The following MDGA2 variants were observed in gnomAD, a reference collection of about 807,000 sequenced individuals.
The protein encoded by MDGA2 is MAM domain containing glycosylphosphatidylinositol anchor 2.
A neutral mutation model predicts 117.8 loss-of-function variants in MDGA2; 40 were observed. That is an observed-to-expected ratio of 0.34 (90% confidence interval 0.26 to 0.44). MDGA2 has a LOEUF of 0.44. Among genes scored for constraint, MDGA2 ranks in the 20% least tolerant of loss-of-function variants. The pLI, the probability that MDGA2 is intolerant of heterozygous loss-of-function variation, is 1.00. For synonymous variants in MDGA2, 452 were observed against 439.0 expected (o/e 1.03, Z -0.37); for missense variants, 1,123 against 1,250.6 (o/e 0.90, Z 1.54).
chr14:47,183,962 G>C (rs1884809497), intron 3 of MDGA2, among the ~76,000 whole-genome samples: 1 of 151,812 alleles, frequency 6.6e-6, no homozygotes, highest in Non-Finnish European at 1.5e-5. Context: ...TCAATTCCAG[G>C]AATATGTCTT....
At chr14:47,382,917 T>C (rs1326574495) in intron 1 of MDGA2, among the ~76,000 whole-genome samples, 1 of 152,192 alleles carries the variant, frequency 6.6e-6, no homozygotes, top group Non-Finnish European at 1.5e-5. Flanking sequence ...ATGTTTATTG[T>C]GGCACTATTC....
At chr14:46,992,670 G>C (rs1054016761) in intron 8 of MDGA2, among the ~76,000 whole-genome samples, 5 of 152,092 alleles carry the variant, frequency 3.3e-5, no homozygotes, top group South Asian at 4.1e-4. Context: ...ATAGTAATTT[G>C]ATAGAGACCG....
At chr14:47,527,772 T>C (rs1424776327) in intron 1 of MDGA2, among the ~76,000 whole-genome samples, 1 of 152,106 alleles carries the variant, frequency 6.6e-6, no homozygotes, top group Non-Finnish European at 1.5e-5. Flanking sequence ...AGCACAGCAG[T>C]GGTGGCAATG....
chr14:47,056,131 T>C (rs1015815515), intron 7 of MDGA2, among the ~76,000 whole-genome samples: 4 of 152,146 alleles, frequency 2.6e-5, no homozygotes, highest in African/African-American at 9.7e-5. Flanking sequence ...AAAACTTCAG[T>C]TTTAATCAGC....
At chr14:47,543,743 A>G (rs1479283175) in intron 1 of MDGA2, among the ~76,000 whole-genome samples, 1 of 152,222 alleles carries the variant, frequency 6.6e-6, no homozygotes, top group Non-Finnish European at 1.5e-5. Flanking sequence ...ATAAATCATC[A>G]AGGGAGATGT....
rs1317732609 is a variant in MDGA2 at position 46,855,202 on chromosome 14, A to C, written c.2753-48T>G. On this transcript the variant is annotated intron_variant, in intron 14 of 16. Coordinates refer to ENST00000399232, the MANE Select transcript of MDGA2 (RefSeq NM_001113498.3). The surrounding 1 kb of genome is among the most constrained non-coding windows in gnomAD (Gnocchi z 4.1). ...ATTTTGCATATTCATTTTCACCTCA[A>C]ATTTGTTTTTCCTTGACCAAACACT... 6.4e-7 allele frequency: 1 copy of C among 1,551,226 alleles called. No homozygotes were observed. Among genetic ancestry groups the C allele is most frequent in the Non-Finnish European group, 8.7e-7 (1 of 1,144,780 alleles).
chr14:47,238,473 C>T (rs1334284346), intron 2 of MDGA2, among the ~76,000 whole-genome samples: 1 of 147,430 alleles, frequency 6.8e-6, no homozygotes, highest in African/African-American at 2.4e-5. Flanking sequence ...GGTAATGCCC[C>T]CATGTAATTC....
At chr14:47,661,612 T>C (rs1277170756) in intron 1 of MDGA2, among the ~76,000 whole-genome samples, 1 of 152,196 alleles carries the variant, frequency 6.6e-6, no homozygotes, top group Non-Finnish European at 1.5e-5. Context: ...GTCTTCTGAA[T>C]ATGCAAGTGA....
At chr14:47,044,875 T>A (rs972730629) in intron 7 of MDGA2, among the ~76,000 whole-genome samples, 1 of 152,150 alleles carries the variant, frequency 6.6e-6, no homozygotes, top group Non-Finnish European at 1.5e-5. Flanking sequence ...GAAATCTTAT[T>A]AGAACGGCAT....
intron 2 of MDGA2, among the ~76,000 whole-genome samples, chr14:47,261,242 T>TAAAAC (rs1887786150): frequency 6.6e-6 from 1 of 152,110 alleles, no homozygotes; most frequent in African/African-American, 2.4e-5. Flanking sequence ...CCTTCAGATT[T>TAAAAC]AAAACAAAAC....
intron 2 of MDGA2, among the ~76,000 whole-genome samples, chr14:47,275,170 A>C (rs1168885875): frequency 6.6e-6 from 1 of 152,190 alleles, no homozygotes. Flanking sequence ...AAGAAGGAAC[A>C]AATCAAGAAT....
intron 1 of MDGA2, among the ~76,000 whole-genome samples, chr14:47,470,208 T>G (rs1287468084): frequency 6.6e-6 from 1 of 152,042 alleles, no homozygotes; most frequent in East Asian, 1.9e-4. Flanking sequence ...GGCGGTTCGC[T>G]GCACCCACCA....
At chr14:47,106,667 C>T (rs1170062563) in intron 5 of MDGA2, among the ~76,000 whole-genome samples, 3 of 152,076 alleles carry the variant, frequency 2.0e-5, no homozygotes, top group African/African-American at 2.4e-5. Context: ...TGACACTGCC[C>T]GATCGCCTCG....
chr14:47,599,866 T>C (rs1389246531), intron 1 of MDGA2, among the ~76,000 whole-genome samples: 1 of 152,164 alleles, frequency 6.6e-6, no homozygotes, highest in Non-Finnish European at 1.5e-5. Context: ...AGAGGTCTTT[T>C]TGGAATGTAT....
At chr14:47,320,051 G>C (rs1205788250) in intron 1 of MDGA2, among the ~76,000 whole-genome samples, 1 of 152,154 alleles carries the variant, frequency 6.6e-6, no homozygotes, top group Non-Finnish European at 1.5e-5. Context: ...ACCACCAAAA[G>C]CTAGGGGAGA....
intron 16 of MDGA2, among the ~76,000 whole-genome samples, chr14:46,845,006 C>G (rs1394517925): frequency 1.3e-5 from 2 of 152,136 alleles, no homozygotes; most frequent in Non-Finnish European, 2.9e-5. Context: ...CTCGGCCTCC[C>G]GAGTAGCTGG....
intron 7 of MDGA2, among the ~76,000 whole-genome samples, chr14:47,040,007 TATC>T (rs1395482127): frequency 6.6e-6 from 1 of 152,146 alleles, no homozygotes; most frequent in Admixed American, 6.6e-5. Context: ...TATCCCATAA[TATC>T]ATGTTGTAAT....
At chr14:47,125,735 T>A (rs1881869125) in intron 5 of MDGA2, among the ~76,000 whole-genome samples, 1 of 152,114 alleles carries the variant, frequency 6.6e-6, no homozygotes, top group Non-Finnish European at 1.5e-5. Flanking sequence ...AATTAGATAA[T>A]GTTTATAAAT....
At chr14:47,370,586 T>G (rs1891334594) in intron 1 of MDGA2, among the ~76,000 whole-genome samples, 1 of 149,638 alleles carries the variant, frequency 6.7e-6, no homozygotes, top group African/African-American at 2.5e-5. Flanking sequence ...TTTTCTATTT[T>G]AAACAGTATC....
Sources: allele counts gnomAD v4.1 joint callset (sites outside exome capture counted in the v4.1 genomes callset), GRCh38; gene constraint gnomAD v4.1.1; non-coding constraint Gnocchi (gnomAD v3.1); transcripts MANE v1.5; gene names NCBI Gene and HGNC (gene_info 2026-07-23, HGNC 2026-07-21).